Variants in SIMC1 observed in about 807,000 individuals in gnomAD.
SIMC1 encodes SUMO-interacting motif-containing protein 1.
Under a neutral mutation model 82.3 loss-of-function variants are expected in SIMC1, and 55 were observed. The ratio of observed to expected loss-of-function variants is 0.67; its 90% confidence interval spans 0.54 to 0.84. The LOEUF (loss-of-function observed/expected upper bound fraction) is 0.84, where lower values mean the gene tolerates loss of function less well. Among genes scored for constraint, SIMC1 ranks in the 40% least tolerant of loss-of-function variants. The pLI is 0.00. For synonymous variants in SIMC1, 353 were observed against 426.3 expected (o/e 0.83, Z 2.12); for missense variants, 915 against 1,107.2 (o/e 0.83, Z 2.46).
chr5:176,330,278 G>A (rs1472970070), intron 7 of SIMC1, among the ~76,000 whole-genome samples: 1 of 151,966 alleles, frequency 6.6e-6, no homozygotes, highest in Non-Finnish European at 1.5e-5. Flanking sequence ...GCATACGCCT[G>A]TTATCTCAGC....
chr5:176,253,613 G>C (rs989407429), intron 1 of SIMC1, among the ~76,000 whole-genome samples: 1 of 152,086 alleles, frequency 6.6e-6, no homozygotes, highest in Non-Finnish European at 1.5e-5. Flanking sequence ...AGGAGTCAGC[G>C]TCAAAACTCT....
At chr5:176,318,707 T>C (rs574981920) in intron 5 of SIMC1, among the ~76,000 whole-genome samples, 2 of 152,372 alleles carry the variant, frequency 1.3e-5, no homozygotes, top group East Asian at 3.9e-4. Context: ...TCTCATACAT[T>C]GATTGATAAT....
At chr5:176,283,480 A>G (rs899254974) in intron 1 of SIMC1, among the ~76,000 whole-genome samples, 1 of 152,214 alleles carries the variant, frequency 6.6e-6, no homozygotes, top group African/African-American at 2.4e-5. Context: ...ATGCTGAGAG[A>G]TTTTGTCACC....
chr5:176,319,707 G>A (rs527835329), intron 5 of SIMC1, among the ~76,000 whole-genome samples: 1 of 152,142 alleles, frequency 6.6e-6, no homozygotes, highest in East Asian at 1.9e-4. Flanking sequence ...TTCTTTCCTG[G>A]ATCCATGTCA....
At chr5:176,257,269 C>CA (rs1761877326) in intron 1 of SIMC1, among the ~76,000 whole-genome samples, 1 of 151,978 alleles carries the variant, frequency 6.6e-6, no homozygotes. Flanking sequence ...TCACCTTATG[C>CA]AAAAAATCAA....
chr5:176,319,565 C>A (rs1010777586), intron 5 of SIMC1, among the ~76,000 whole-genome samples: 14 of 152,070 alleles, frequency 9.2e-5, no homozygotes, highest in Non-Finnish European at 1.8e-4. Context: ...GTGGCTCAGG[C>A]CTGTAATCCT....
chr5:176,317,050 G>C (rs1288502654), intron 5 of SIMC1, among the ~76,000 whole-genome samples: 2 of 152,126 alleles, frequency 1.3e-5, no homozygotes, highest in Non-Finnish European at 1.5e-5. Context: ...ATCTAGGCCA[G>C]GTCCTCTGTT....
At chr5:176,294,647 A>G (rs1763723534) in intron 2 of SIMC1, among the ~76,000 whole-genome samples, 1 of 151,572 alleles carries the variant, frequency 6.6e-6, no homozygotes, top group South Asian at 2.1e-4. Flanking sequence ...AACGTATTCT[A>G]GAACCTCTTA....
At chr5:176,304,441 G>C (rs1048209751) in intron 4 of SIMC1, 3 of 174,504 alleles carry the variant, frequency 1.7e-5, no homozygotes, top group Non-Finnish European at 3.6e-5. Context: ...TGCCAACCTC[G>C]GCCTCCCGAG....
intron 1 of SIMC1, among the ~76,000 whole-genome samples, chr5:176,246,767 A>G (rs200267431): frequency 6.9e-6 from 1 of 145,774 alleles, no homozygotes; most frequent in African/African-American, 2.6e-5. Flanking sequence ...CTAGCCCCCC[A>G]CCCCCCAACA....
chr5:176,272,386 A>G (rs1452611083), intron 1 of SIMC1, among the ~76,000 whole-genome samples: 3 of 150,580 alleles, frequency 2.0e-5, no homozygotes, highest in Non-Finnish European at 4.4e-5. Context: ...CAATAAGGCA[A>G]AAAAAAAAAC....
chr5:176,269,732 C>G (rs1762345083), intron 1 of SIMC1, among the ~76,000 whole-genome samples: 1 of 152,020 alleles, frequency 6.6e-6, no homozygotes, highest in Admixed American at 6.6e-5. Context: ...AAATAAAAAT[C>G]CCACATAAAC....
intron 1 of SIMC1, among the ~76,000 whole-genome samples, chr5:176,259,230 G>T (rs1372730511): frequency 6.6e-6 from 1 of 152,222 alleles, no homozygotes; most frequent in Non-Finnish European, 1.5e-5. Context: ...ACTTTGGGAG[G>T]CTGAGGTGGA....
In SIMC1 at chr5:176,290,966, A is replaced by G. The variant is rs113068489; in HGVS notation, c.1431+11A>G. On this transcript the variant is annotated intron_variant, in intron 2 of 9. Transcript: ENST00000429602. ...AAAGACACAAGAGAGGTGAGCTAACATCTTCCCTCAGGGATTAGGTGTCCT... is the reference window on the plus strand; with the variant it reads ...AAAGACACAAGAGAGGTGAGCTAACGTCTTCCCTCAGGGATTAGGTGTCCT... 24 of 1,541,598 alleles carry G rather than the reference A, an allele frequency of 1.6e-5. No homozygotes were observed. The highest frequency in any genetic ancestry group is 3.5e-4 in the Middle Eastern group (2 of 5,766).
intron 4 of SIMC1, among the ~76,000 whole-genome samples, chr5:176,298,366 G>A (rs1182774573): frequency 3.9e-5 from 6 of 152,194 alleles, no homozygotes; most frequent in African/African-American, 9.6e-5. Flanking sequence ...GATTACAGGC[G>A]TGAGCCACCA....
chr5:176,245,076 G>C (rs1761393226), intron 1 of SIMC1, among the ~76,000 whole-genome samples: 1 of 152,092 alleles, frequency 6.6e-6, no homozygotes, highest in South Asian at 2.1e-4. Context: ...GTTATAGGTG[G>C]AACTGTATCT....
chr5:176,337,203 T>G, intron 9 of SIMC1, 57 bp downstream of exon 9: 9 of 1,321,690 alleles, frequency 6.8e-6, no homozygotes, highest in African/African-American at 1.4e-5. Context: ...ACATTTGTAT[T>G]AGTCATAACT....
intron 4 of SIMC1, among the ~76,000 whole-genome samples, chr5:176,301,399 A>G (rs1407095213): frequency 6.6e-6 from 1 of 152,184 alleles, no homozygotes; most frequent in Non-Finnish European, 1.5e-5. Context: ...TAAGGCAACT[A>G]AACCTCTTTC....
chr5:176,339,930 C>T (rs1361490748), intron 9 of SIMC1, among the ~76,000 whole-genome samples: 2 of 152,150 alleles, frequency 1.3e-5, no homozygotes, highest in Admixed American at 6.5e-5. Context: ...GAGGGCCCTT[C>T]GTCTCATCTC....
Sources: gnomAD v4.1 joint callset for allele counts (sites outside exome capture counted in the v4.1 genomes callset) on GRCh38, gnomAD v4.1.1 for gene constraint, MANE v1.5 for transcripts, NCBI Gene and HGNC (gene_info 2026-07-23, HGNC 2026-07-21) for gene names.